The following MTCL1 variants were observed in gnomAD, a reference collection of about 807,000 sequenced individuals.
MTCL1 encodes microtubule cross-linking factor 1.
MTCL1 carries 79 observed loss-of-function variants against 141.4 expected under a neutral mutation model. That is an observed-to-expected ratio of 0.56 (90% confidence interval 0.47 to 0.67). The LOEUF is 0.67. Among genes scored for constraint, MTCL1 ranks in the 30% least tolerant of loss-of-function variants. The pLI, the probability that MTCL1 is intolerant of heterozygous loss-of-function variation, is 0.00. For missense variants in MTCL1, 2,177 were observed against 2,113.9 expected (o/e 1.03, Z -0.59); for synonymous variants, 914 against 875.8 (o/e 1.04, Z -0.77).
chr18:8,746,530 T>A (rs1474193883), intron 4 of MTCL1, among the ~76,000 whole-genome samples: 1 of 152,218 alleles, frequency 6.6e-6, no homozygotes, highest in African/African-American at 2.4e-5. Context: ...TGGATTTGAA[T>A]CTAGAAACCC....
chr18:8,717,083 TATTC>T (rs2096133475), upstream of MTCL1, among the ~76,000 whole-genome samples: 1 of 152,182 alleles, frequency 6.6e-6, no homozygotes, highest in Admixed American at 6.5e-5. Context: ...CGCACCTGTG[TATTC>T]ATTCAGCAAT....
At position 8,710,837 on chromosome 18, in the gene MTCL1, CTT is replaced by C. The variant is rs59041416; in HGVS notation, c.1053+4143_1053+4144del. Among the ~76,000 whole-genome samples, 514 of 80,914 alleles carry C rather than the reference CTT, an allele frequency of 6.4e-3. 4 individuals carry two copies. Among genetic ancestry groups the C allele is most frequent in the African/African-American group, 0.023 (477 of 20,788 alleles). The allele number at this position is 80,914 out of a possible 152,430, so 53.1% of individuals were successfully genotyped here. On this transcript the variant is annotated intron_variant, in intron 1 of 13. Transcript: ENST00000306329. Reference sequence around the variant, plus strand: ...TTTGAATTTTGGTATGGAAGGCTTTCTTTTTTTTTTTTTTTTTTTTAATCTGT... The same window carrying C: ...TTTGAATTTTGGTATGGAAGGCTTTCTTTTTTTTTTTTTTTTTTAATCTGT...
At chr18:8,784,542 G>A (rs763212630) in exon 6 of MTCL1, 4 of 1,606,850 alleles carry the variant, frequency 2.5e-6, no homozygotes, top group African/African-American at 1.3e-5. Flanking sequence ...GACACCGACA[G>A]CTTCCTCCAT....
At chr18:8,805,043 C>A (rs1404121716) in intron 10 of MTCL1, among the ~76,000 whole-genome samples, 1 of 149,492 alleles carries the variant, frequency 6.7e-6, no homozygotes, top group Non-Finnish European at 1.5e-5. Flanking sequence ...CTATGGAGAT[C>A]TCTATAATAA....
chr18:8,816,876 A>G (rs534601490), intron 12 of MTCL1, among the ~76,000 whole-genome samples: 1 of 152,154 alleles, frequency 6.6e-6, no homozygotes, highest in African/African-American at 2.4e-5. Context: ...GGCTGAAATG[A>G]CTCCTATAGG....
At position 8,800,378 on chromosome 18, in the gene MTCL1, A is replaced by G. The variant is rs557340274; in HGVS notation, c.2436+2087A>G. 2.0e-5 allele frequency: 3 copies of G among 152,340 alleles called. No homozygotes were observed. In the East Asian group the frequency reaches 5.8e-4, roughly 29 times the overall value. The allele number at this position is 152,340 out of a possible 1,614,324, so 9.4% of individuals were successfully genotyped here. ...CAGGCCTTGGTCTTTGCTTTGTGAC[A>G]TATGGAACGTTCTCACAATTGAACT... On this transcript the variant is annotated intron_variant, in intron 10 of 16. Transcript: ENST00000359865.
chr18:8,713,133 T>A (rs556153147), upstream of MTCL1, among the ~76,000 whole-genome samples: 1 of 152,168 alleles, frequency 6.6e-6, no homozygotes, highest in Non-Finnish European at 1.5e-5. Context: ...TTCCTCTAAT[T>A]TGAGATACAT....
chr18:8,815,637 C>T (rs1442789023), intron 12 of MTCL1, among the ~76,000 whole-genome samples: 1 of 145,874 alleles, frequency 6.9e-6, no homozygotes. Context: ...AAAAAAAAAA[C>T]ATTAACATTA....
chr18:8,819,997 A>G (rs887888489), intron 13 of MTCL1, among the ~76,000 whole-genome samples: 2 of 152,212 alleles, frequency 1.3e-5, no homozygotes, highest in Non-Finnish European at 2.9e-5. Context: ...AAAAAATCCA[A>G]CACTTAGAAA....
intron 4 of MTCL1, among the ~76,000 whole-genome samples, chr18:8,762,982 A>G (rs2096440670): frequency 6.6e-6 from 1 of 152,030 alleles, no homozygotes; most frequent in African/African-American, 2.4e-5. Flanking sequence ...CTCTTTGTTA[A>G]TTTCATTCTT....
At chr18:8,740,851 CTGT>C (rs562726111) in intron 4 of MTCL1, among the ~76,000 whole-genome samples, 1 of 152,210 alleles carries the variant, frequency 6.6e-6, no homozygotes, top group Non-Finnish European at 1.5e-5. Flanking sequence ...AGGGCAGGGG[CTGT>C]GTGGTATTCC....
chr18:8,796,016 T>C (rs2075904718), intron 8 of MTCL1, among the ~76,000 whole-genome samples: 1 of 152,320 alleles, frequency 6.6e-6, no homozygotes, highest in South Asian at 2.1e-4. Context: ...TACCTTATTT[T>C]GAAATAGCAC....
exon 6 of MTCL1, chr18:8,784,288 C>G: frequency 6.3e-7 from 1 of 1,587,094 alleles, no homozygotes; most frequent in Non-Finnish European, 8.6e-7. Flanking sequence ...GTGATGCGGG[C>G]AAGAAGGAGA....
Position 8,798,295 on chromosome 18 carries a change from G to A in MTCL1, c.2436+4G>A. The A allele has an allele frequency of 6.6e-7, 1 of 1,519,494 alleles. No individual in the cohort carries two copies. Among genetic ancestry groups the A allele is most frequent in the Non-Finnish European group, 8.8e-7 (1 of 1,134,134 alleles). 94.1% of individuals were successfully genotyped at this position (1,519,494 alleles called of 1,614,324 possible). On this transcript the variant is annotated splice_donor_region_variant and intron_variant, in intron 10 of 16. Coordinates refer to ENST00000359865, the Ensembl canonical transcript of MTCL1. Reference sequence around the variant, plus strand: ...CAGGGGACAGCCCCACAAACAGGTGGGTACCTCGACCCGAGCCTGTCGCCC... The same window carrying A: ...CAGGGGACAGCCCCACAAACAGGTGAGTACCTCGACCCGAGCCTGTCGCCC...
Position 8,824,501 on chromosome 18 carries a change from C to T in MTCL1, c.3189-198C>T, listed in dbSNP as rs577837275. Among the ~76,000 whole-genome samples, 4 of 152,312 alleles carry T rather than the reference C, an allele frequency of 2.6e-5. No homozygotes were observed. In the East Asian group the frequency reaches 7.7e-4, roughly 29 times the overall value. On this transcript the variant is annotated intron_variant, in intron 14 of 16. Transcript: ENST00000359865. ...CCAATGCAAGGCTTCAGGAACAATT[C>T]CAGAGCCACGCAGAGTCCAATAAAT...
At chr18:8,819,157 G>A (rs1168242195) in exon 13 of MTCL1, 36 of 1,614,212 alleles carry the variant, frequency 2.2e-5, no homozygotes, top group East Asian at 4.5e-5. Flanking sequence ...ACAGGTGCTC[G>A]GCCAGTGAGA....
intron 4 of MTCL1, among the ~76,000 whole-genome samples, chr18:8,722,840 A>G (rs2096182527): frequency 6.6e-6 from 1 of 152,268 alleles, no homozygotes; most frequent in African/African-American, 2.4e-5. Context: ...GTATAACTAA[A>G]CATAAATATA....
chr18:8,734,554 C>G (rs1226280609), intron 4 of MTCL1, among the ~76,000 whole-genome samples: 1 of 152,110 alleles, frequency 6.6e-6, no homozygotes, highest in Non-Finnish European at 1.5e-5. Flanking sequence ...CACCTTTGCT[C>G]TCAACCTTTT....
intron 13 of MTCL1, among the ~76,000 whole-genome samples, chr18:8,820,660 G>T (rs947627317): frequency 6.6e-6 from 1 of 152,168 alleles, no homozygotes; most frequent in African/African-American, 2.4e-5. Flanking sequence ...TATACAGTCC[G>T]ATTACATAGT....
Sources: gnomAD v4.1 joint callset for allele counts (sites outside exome capture counted in the v4.1 genomes callset) on GRCh38, gnomAD v4.1.1 for gene constraint, MANE v1.5 for transcripts, NCBI Gene and HGNC (gene_info 2026-07-23, HGNC 2026-07-21) for gene names.